NREP: variants seen among roughly 807,000 people sequenced by gnomAD.
The protein encoded by NREP is neuronal regeneration related protein.
In NREP, 5 loss-of-function variants were observed where a neutral mutation model predicts 8.6. The ratio of observed to expected loss-of-function variants is 0.58; its 90% confidence interval spans 0.30 to 1.22. NREP has a LOEUF of 1.22. NREP is among the 50% of genes most tolerant of loss of function. The pLI, the probability that NREP is intolerant of heterozygous loss-of-function variation, is 0.07. For missense variants in NREP, 86 were observed against 82.5 expected (o/e 1.04, Z -0.17); for synonymous variants, 27 against 28.0 (o/e 0.96, Z 0.11).
intron 2 of NREP, among the ~76,000 whole-genome samples, chr5:111,881,218 T>A (rs146006556): frequency 6.6e-6 from 1 of 152,208 alleles, no homozygotes; most frequent in African/African-American, 2.4e-5. Flanking sequence ...GGAGTCTCCC[T>A]GATTGCTAGC....
At chr5:111,967,858 G>A (rs191684792) in intron 2 of NREP, among the ~76,000 whole-genome samples, 59 of 152,122 alleles carry the variant, frequency 3.9e-4, no homozygotes, top group Admixed American at 2.5e-3. Context: ...CCTCCTGGTT[G>A]TTTTTTGCTG....
At position 111,793,463 on chromosome 5, in the gene NREP, G is replaced by A. The variant is rs138546673; in HGVS notation, c.136-57956C>T. On this transcript the variant is annotated intron_variant, in intron 2 of 3. Transcript: ENST00000395634. ...GAAGATAATTGTCTCAGTTCAAGAA[G>A]AGAGAGAATTCACCCTTCCTCTGCC... Among the ~76,000 whole-genome samples the A allele has an allele frequency of 6.6e-4, 101 of 152,256 alleles. 1 individual carries two copies. The highest frequency in any genetic ancestry group is 2.3e-3 in the African/African-American group (96 of 41,538).
At chr5:111,972,081 G>A (rs1756836529) in intron 2 of NREP, among the ~76,000 whole-genome samples, 1 of 152,242 alleles carries the variant, frequency 6.6e-6, no homozygotes, top group South Asian at 2.1e-4. Flanking sequence ...CAAAGGATCT[G>A]AATAGACACT....
intron 2 of NREP, among the ~76,000 whole-genome samples, chr5:111,838,012 A>G (rs1752937663): frequency 6.6e-6 from 1 of 152,098 alleles, no homozygotes; most frequent in Non-Finnish European, 1.5e-5. Context: ...TCTAGATTAC[A>G]GAAAATACAG....
chr5:111,976,014 G>A (rs1756950687), intron 1 of NREP, among the ~76,000 whole-genome samples: 2 of 152,078 alleles, frequency 1.3e-5, no homozygotes, highest in South Asian at 4.1e-4. Context: ...TCTTGTTAGA[G>A]TGAAACCTTT....
chr5:111,900,055 G>T (rs542389114), intron 2 of NREP, among the ~76,000 whole-genome samples: 26 of 152,074 alleles, frequency 1.7e-4, no homozygotes, highest in African/African-American at 6.3e-4. Flanking sequence ...ACACAAAACA[G>T]GTCTCAATAG....
intron 2 of NREP, among the ~76,000 whole-genome samples, chr5:111,972,664 C>A (rs186035424): frequency 6.6e-6 from 1 of 152,174 alleles, no homozygotes; most frequent in African/African-American, 2.4e-5. Flanking sequence ...GCTGCCCCCA[C>A]GCCATACCCA....
intron 2 of NREP, among the ~76,000 whole-genome samples, chr5:111,919,403 A>G (rs775021134): frequency 6.5e-4 from 99 of 152,246 alleles, no homozygotes; most frequent in Non-Finnish European, 1.3e-3. Context: ...AAATCATTCT[A>G]GTATAAAAAT....
chr5:111,855,608 A>G (rs188966498), intron 2 of NREP, among the ~76,000 whole-genome samples: 2 of 152,320 alleles, frequency 1.3e-5, no homozygotes, highest in African/African-American at 4.8e-5. Context: ...GCCTGTTTGT[A>G]CAACAATCTT....
At chr5:111,768,123 T>C (rs1751129552) in intron 2 of NREP, among the ~76,000 whole-genome samples, 1 of 150,166 alleles carries the variant, frequency 6.7e-6, no homozygotes. Context: ...TTTTGTAAGA[T>C]GGCATTAACA....
intron 2 of NREP, among the ~76,000 whole-genome samples, chr5:111,744,698 G>A (rs568758683): frequency 2.0e-4 from 31 of 152,168 alleles, no homozygotes; most frequent in African/African-American, 7.5e-4. Flanking sequence ...CTGAAGGGAG[G>A]AGCTCCCAAC....
At chr5:111,923,264 G>T (rs1482600521) in intron 2 of NREP, among the ~76,000 whole-genome samples, 1 of 152,140 alleles carries the variant, frequency 6.6e-6, no homozygotes, top group Non-Finnish European at 1.5e-5. Context: ...AAAGATTCAG[G>T]GTGACTACTG....
At chr5:111,865,521 C>A (rs762507775) in intron 2 of NREP, among the ~76,000 whole-genome samples, 1 of 152,134 alleles carries the variant, frequency 6.6e-6, no homozygotes, top group Non-Finnish European at 1.5e-5. Flanking sequence ...TGAATCACCT[C>A]GCCCAGTATT....
chr5:111,776,098 C>G (rs554679460), intron 2 of NREP, among the ~76,000 whole-genome samples: 1 of 152,214 alleles, frequency 6.6e-6, no homozygotes, highest in Non-Finnish European at 1.5e-5. Flanking sequence ...CTGCCAGGAG[C>G]AGTATGTACC....
intron 2 of NREP, chr5:111,948,901 A>C (rs1215899424): frequency 6.6e-6 from 1 of 152,084 alleles, no homozygotes; most frequent in African/African-American, 2.4e-5. Flanking sequence ...GGTGACCAAA[A>C]CTCATCCAGC....
At chr5:111,779,344 A>C (rs1247696289) in intron 2 of NREP, among the ~76,000 whole-genome samples, 1 of 152,170 alleles carries the variant, frequency 6.6e-6, no homozygotes, top group African/African-American at 2.4e-5. Flanking sequence ...GCATCCTGTC[A>C]CACAGCTCTG....
chr5:111,759,472 T>C (rs1750910389), upstream of NREP, among the ~76,000 whole-genome samples: 1 of 151,658 alleles, frequency 6.6e-6, no homozygotes, highest in African/African-American at 2.4e-5. Context: ...TGTTGCCCGG[T>C]CTCAAACTCC....
At chr5:111,959,484 T>A (rs1756423260) in intron 2 of NREP, among the ~76,000 whole-genome samples, 1 of 152,026 alleles carries the variant, frequency 6.6e-6, no homozygotes, top group Non-Finnish European at 1.5e-5. Flanking sequence ...TAAACACAGA[T>A]AGTCTAAACA....
intron 2 of NREP, among the ~76,000 whole-genome samples, chr5:111,808,181 T>C (rs1466755008): frequency 4.6e-5 from 7 of 152,260 alleles, no homozygotes; most frequent in Non-Finnish European, 1.0e-4. Flanking sequence ...TACCCAAGAA[T>C]GTGTAGGCTT....
Sources: allele counts gnomAD v4.1 joint callset (sites outside exome capture counted in the v4.1 genomes callset), GRCh38; gene constraint gnomAD v4.1.1; transcripts MANE v1.5; gene names NCBI Gene and HGNC (gene_info 2026-07-23, HGNC 2026-07-21).